Variants in TMEM132D observed in about 807,000 individuals in gnomAD.
TMEM132D encodes the protein mature OL transmembrane protein.
A neutral mutation model predicts 62.3 loss-of-function variants in TMEM132D; 21 were observed. The observed-to-expected ratio is 0.34, with a 90% CI of 0.24 to 0.49. TMEM132D has a LOEUF of 0.49. Ranked by LOEUF, TMEM132D falls within the 20% of genes least tolerant of loss-of-function variation. The pLI is 0.99. For synonymous variants in TMEM132D, 621 were observed against 575.6 expected (o/e 1.08, Z -1.13); for missense variants, 1,346 against 1,402.8 (o/e 0.96, Z 0.65).
At chr12:129,084,747 C>G (rs1438401723) in intron 5 of TMEM132D, 45 bp from the exon 6 acceptor site, 1 of 1,584,994 alleles carries the variant, frequency 6.3e-7, no homozygotes, top group Non-Finnish European at 8.6e-7. Flanking sequence ...GGTGAGCTTT[C>G]ATCCCGTTGC....
At chr12:129,592,911 T>C (rs1878233883) in intron 2 of TMEM132D, among the ~76,000 whole-genome samples, 1 of 152,128 alleles carries the variant, frequency 6.6e-6, no homozygotes, top group Admixed American at 6.5e-5. Flanking sequence ...AGTTTGTAAT[T>C]GTTTTCATGT....
chr12:129,387,207 A>G (rs143574898), intron 3 of TMEM132D, among the ~76,000 whole-genome samples: 532 of 121,252 alleles, frequency 4.4e-3, no homozygotes, highest in Non-Finnish European at 7.1e-3. Context: ...ACTAACAATA[A>G]TACCAACACT....
At chr12:129,289,547 T>TAAAAAA in intron 4 of TMEM132D, among the ~76,000 whole-genome samples, 1 of 92,174 alleles carries the variant, frequency 1.1e-5, no homozygotes, top group Admixed American at 1.2e-4. Context: ...TCCATCTCAA[T>TAAAAAA]AAAAAAAAAA....
intron 1 of TMEM132D, among the ~76,000 whole-genome samples, chr12:129,729,997 T>C (rs1869175699): frequency 6.6e-6 from 1 of 152,076 alleles, no homozygotes; most frequent in South Asian, 2.1e-4. Context: ...CTCCACGGCC[T>C]ATCCCAAACC....
chr12:129,163,585 T>G (rs1593281686), intron 5 of TMEM132D, among the ~76,000 whole-genome samples: 1 of 152,198 alleles, frequency 6.6e-6, no homozygotes, highest in Non-Finnish European at 1.5e-5. Context: ...CAGTGGTGGG[T>G]GCCTCTAATT....
At chr12:129,336,305 C>T (rs545723948) in intron 4 of TMEM132D, among the ~76,000 whole-genome samples, 81 of 152,212 alleles carry the variant, frequency 5.3e-4, no homozygotes, top group Non-Finnish European at 1.1e-3. Flanking sequence ...GGGCTGGGCA[C>T]GGTGGCTCAC....
In TMEM132D at chr12:129,404,498, A is replaced by G. The variant is rs566730853; in HGVS notation, c.1116-66681T>C. ...AGGCGTGAGCCACCATGCCCGGCCA[A>G]GACTGGGTAATTTATAAAGAAAAGA... On this transcript the variant is annotated intron_variant, in intron 3 of 8. Transcript: ENST00000422113. Among the ~76,000 whole-genome samples the G allele has an allele frequency of 3.2e-4, 49 of 152,344 alleles. 1 individual carries two copies. In the Middle Eastern group the frequency reaches 0.017, roughly 53 times the overall value.
At chr12:129,890,741 T>C (rs1006059564) in intron 1 of TMEM132D, among the ~76,000 whole-genome samples, 19 of 152,240 alleles carry the variant, frequency 1.2e-4, no homozygotes, top group Non-Finnish European at 1.9e-4. Context: ...TAGACTCTAA[T>C]CTCATGAGGG....
At chr12:129,796,052 G>A (rs995206184) in intron 1 of TMEM132D, among the ~76,000 whole-genome samples, 6 of 152,040 alleles carry the variant, frequency 3.9e-5, no homozygotes, top group Non-Finnish European at 7.3e-5. Flanking sequence ...AAATTAAAGA[G>A]GGCCAGGTGC....
intron 1 of TMEM132D, among the ~76,000 whole-genome samples, chr12:129,758,982 G>A (rs965270793): frequency 3.3e-5 from 5 of 150,552 alleles, no homozygotes; most frequent in Non-Finnish European, 5.9e-5. Flanking sequence ...CTCCCAGGCT[G>A]GAGTGCAGTG....
chr12:129,202,718 T>C (rs944318828), intron 5 of TMEM132D, among the ~76,000 whole-genome samples: 1 of 152,126 alleles, frequency 6.6e-6, no homozygotes, highest in Non-Finnish European at 1.5e-5. Flanking sequence ...TGTGGCCACC[T>C]GCAGAAAGAA....
chr12:129,512,282 A>G (rs900147468), intron 3 of TMEM132D, among the ~76,000 whole-genome samples: 4 of 152,182 alleles, frequency 2.6e-5, no homozygotes, highest in Admixed American at 2.0e-4. Flanking sequence ...GGCACAGGAC[A>G]AAGGCTGGTG....
intron 3 of TMEM132D, among the ~76,000 whole-genome samples, chr12:129,442,846 G>C (rs12309063): frequency 6.7e-4 from 102 of 152,244 alleles, no homozygotes; most frequent in African/African-American, 2.3e-3. Flanking sequence ...CTTGGTGTCT[G>C]CAAGAGGTAC....
intron 6 of TMEM132D, 91 bp from the exon 7 acceptor site, chr12:129,082,123 G>T (rs1012954971): frequency 5.4e-6 from 8 of 1,472,948 alleles, no homozygotes; most frequent in Middle Eastern, 2.5e-4. Context: ...TGCAGAGGTA[G>T]GTAGGCCATG....
chr12:129,327,137 T>C (rs1264682295), intron 4 of TMEM132D, among the ~76,000 whole-genome samples: 4 of 152,114 alleles, frequency 2.6e-5, no homozygotes, highest in African/African-American at 9.7e-5. Context: ...CTGTGTTTAT[T>C]AGGGAAGGGA....
At chr12:129,602,979 C>T (rs1017121298) in intron 2 of TMEM132D, among the ~76,000 whole-genome samples, 28 of 152,122 alleles carry the variant, frequency 1.8e-4, no homozygotes, top group African/African-American at 6.0e-4. Context: ...CTTACCATCA[C>T]GAGAACAGCA....
intron 1 of TMEM132D, among the ~76,000 whole-genome samples, chr12:129,831,878 T>TTTC (rs1456661669): frequency 2.7e-5 from 4 of 146,542 alleles, no homozygotes; most frequent in Non-Finnish European, 4.5e-5. Flanking sequence ...TTCTTTTTCT[T>TTTC]TTTTTTTTTT....
intron 3 of TMEM132D, among the ~76,000 whole-genome samples, chr12:129,416,567 T>G (rs1487117077): frequency 6.6e-6 from 1 of 152,236 alleles, no homozygotes; most frequent in South Asian, 2.1e-4. Flanking sequence ...CTGACTGCCC[T>G]GGCCAGCACT....
chr12:129,166,190 T>C (rs936580352), intron 5 of TMEM132D, among the ~76,000 whole-genome samples: 35 of 152,182 alleles, frequency 2.3e-4, no homozygotes, highest in African/African-American at 8.2e-4. Context: ...TAAAAATAAG[T>C]AACGTGGGCT....
Sources: gnomAD v4.1 joint callset for allele counts (sites outside exome capture counted in the v4.1 genomes callset) on GRCh38, gnomAD v4.1.1 for gene constraint, MANE v1.5 for transcripts, NCBI Gene and HGNC (gene_info 2026-07-23, HGNC 2026-07-21) for gene names.